Variants in ARHGEF28 observed in about 807,000 individuals in gnomAD.
ARHGEF28 encodes the protein 190 kDa guanine nucleotide exchange factor.
A neutral mutation model predicts 206.6 loss-of-function variants in ARHGEF28; 152 were observed. That is an observed-to-expected ratio of 0.74 (90% CI 0.64 to 0.84). The LOEUF (loss-of-function observed/expected upper bound fraction) is 0.84, where lower values mean the gene tolerates loss of function less well. Among genes scored for constraint, ARHGEF28 ranks in the 40% least tolerant of loss-of-function variants. The probability of loss-of-function intolerance (pLI) is 0.00; values close to 1 mark genes in which losing one functional copy is unlikely to be tolerated. For missense variants in ARHGEF28, 2,028 were observed against 2,073.2 expected (o/e 0.98, Z 0.42); for synonymous variants, 763 against 776.4 (o/e 0.98, Z 0.29).
intron 7 of ARHGEF28, among the ~76,000 whole-genome samples, chr5:73,789,243 C>T (rs538212363): frequency 1.0e-3 from 158 of 152,300 alleles, no homozygotes; most frequent in Middle Eastern, 6.8e-3. Context: ...ATACATGCTA[C>T]GGCATGGGTG....
chr5:73,868,855 C>T (rs998668663), intron 20 of ARHGEF28, among the ~76,000 whole-genome samples: 5 of 152,172 alleles, frequency 3.3e-5, no homozygotes, highest in African/African-American at 4.8e-5. Flanking sequence ...CCACATTGGC[C>T]AGGCTGGTCT....
intron 7 of ARHGEF28, among the ~76,000 whole-genome samples, chr5:73,790,082 C>T (rs1370989054): frequency 6.6e-6 from 1 of 152,124 alleles, no homozygotes; most frequent in Non-Finnish European, 1.5e-5. Context: ...TCTGGTGTTG[C>T]AAGAGGGCTA....
chr5:73,892,205 A>C lies in ARHGEF28; in HGVS notation c.3541A>C (p.Arg1181=). 6.4e-7 allele frequency: 1 copy of C among 1,569,178 alleles called. No homozygotes were observed. The highest frequency in any genetic ancestry group is 1.3e-5 in the African/African-American group (1 of 74,104). Residue 1181 remains arginine (R), a synonymous_variant, in exon 27 of 36, where the codon AGA becomes CGA. Coordinates refer to ENST00000513042, the MANE Select transcript of ARHGEF28 (RefSeq NM_001177693.2). ...CAAGGAGGAACGCAATAACTGGATGAGACGGATCCAGCAGGCTGTAGAAAG... is the reference window on the plus strand; with the variant it reads ...CAAGGAGGAACGCAATAACTGGATGCGACGGATCCAGCAGGCTGTAGAAAG... The part of the protein sequence containing the change: ...NSKEERNNWM[R]RIQQAVESCP...
intron 1 of ARHGEF28, among the ~76,000 whole-genome samples, chr5:73,679,566 CAAAAA>C (rs552307895): frequency 3.2e-5 from 2 of 62,492 alleles, no homozygotes. Context: ...GACTCTGTCT[CAAAAA>C]AAAAAAAAAA....
intron 1 of ARHGEF28, among the ~76,000 whole-genome samples, chr5:73,650,430 G>A (rs1468694094): frequency 1.3e-5 from 2 of 149,404 alleles, no homozygotes; most frequent in Admixed American, 6.7e-5. Context: ...GACTACAGGC[G>A]CATGCCACCA....
intron 16 of ARHGEF28, among the ~76,000 whole-genome samples, chr5:73,863,776 T>C (rs6869486): frequency 0.31 from 46,300 of 151,466 alleles, 8,787 homozygotes; most frequent in African/African-American, 0.53. Flanking sequence ...TTTTCCCTAT[T>C]ATTTACTCAC....
At chr5:73,716,883 G>T (rs1233993607) in intron 2 of ARHGEF28, among the ~76,000 whole-genome samples, 1 of 152,050 alleles carries the variant, frequency 6.6e-6, no homozygotes, top group Non-Finnish European at 1.5e-5. Flanking sequence ...TAAAGTTCAT[G>T]TTTAGCATGT....
intron 35 of ARHGEF28, among the ~76,000 whole-genome samples, chr5:73,919,921 A>C (rs1160396957): frequency 6.6e-6 from 1 of 152,258 alleles, no homozygotes; most frequent in Non-Finnish European, 1.5e-5. Context: ...AGGAAGCTTC[A>C]TGTGGGTAGA....
Position 73,894,428 on chromosome 5 carries a change from T to C in ARHGEF28, c.3694T>C (p.Tyr1232His). The C allele has an allele frequency of 1.2e-6, 2 of 1,613,418 alleles. No individual in the cohort carries two copies. Among genetic ancestry groups the C allele is most frequent in the South Asian group, 1.1e-5 (1 of 90,888 alleles). Residue 1232 changes from tyrosine (Y) to histidine (H), a missense_variant, in exon 29 of 36, where the codon TAT becomes CAT. This residue lies in a region of ARHGEF28 where 803 missense variants were observed against 768.0 expected (regional missense o/e 1.05). Coordinates refer to ENST00000513042, the MANE Select transcript of ARHGEF28 (RefSeq NM_001177693.2). The part of the protein sequence containing the change: ...LTNQDQQICA[Y>H]LEEKLHIYAE... ...TAACCAAGACCAACAAATTTGTGCG[T>C]ATTTGGAGGAGAAGCTGCATATCTA...
At chr5:73,626,526 A>G (rs561771607) in intron 1 of ARHGEF28, among the ~76,000 whole-genome samples, 1,613 of 151,588 alleles carry the variant, frequency 0.011, 36 homozygotes, top group African/African-American at 0.037. Context: ...AGCGGCAACA[A>G]GTGGAGAGGG....
intron 10 of ARHGEF28, among the ~76,000 whole-genome samples, chr5:73,834,319 G>A (rs1757474026): frequency 6.6e-6 from 1 of 151,960 alleles, no homozygotes; most frequent in Non-Finnish European, 1.5e-5. Context: ...TGTACCCTTC[G>A]ACTAACACTT....
intron 20 of ARHGEF28, among the ~76,000 whole-genome samples, chr5:73,868,981 A>C (rs1316040297): frequency 6.6e-6 from 1 of 152,148 alleles, no homozygotes; most frequent in South Asian, 2.1e-4. Flanking sequence ...TTTATAGAGC[A>C]GGACTTAATC....
intron 2 of ARHGEF28, among the ~76,000 whole-genome samples, chr5:73,746,910 A>G (rs1318231008): frequency 6.6e-6 from 1 of 152,152 alleles, no homozygotes; most frequent in African/African-American, 2.4e-5. Context: ...TCTCTCAAAA[A>G]TATCATTTCG....
At chr5:73,644,224 A>T (rs1175502733) in intron 1 of ARHGEF28, among the ~76,000 whole-genome samples, 1 of 151,536 alleles carries the variant, frequency 6.6e-6, no homozygotes, top group Non-Finnish European at 1.5e-5. Context: ...GTCTCCCATG[A>T]TGTATTATCT....
intron 10 of ARHGEF28, among the ~76,000 whole-genome samples, chr5:73,836,966 C>T (rs1757683878): frequency 1.3e-5 from 2 of 152,018 alleles, no homozygotes; most frequent in African/African-American, 2.4e-5. Context: ...GATTAATTGA[C>T]TGTATTTATG....
chr5:73,921,930 C>T (rs1013162365), intron 35 of ARHGEF28, among the ~76,000 whole-genome samples: 2 of 152,166 alleles, frequency 1.3e-5, no homozygotes, highest in Non-Finnish European at 1.5e-5. Flanking sequence ...ATTAATCATA[C>T]AGAATGAATG....
At chr5:73,867,736 AG>A in intron 18 of ARHGEF28, 139 bp from the exon 19 acceptor site, 1 of 1,127,930 alleles carries the variant, frequency 8.9e-7, no homozygotes, top group Non-Finnish European at 1.3e-6. Context: ...AGGATCTAGC[AG>A]GGAGACTGGT....
intron 2 of ARHGEF28, among the ~76,000 whole-genome samples, chr5:73,694,627 T>C (rs1580491961): frequency 6.6e-6 from 1 of 152,350 alleles, no homozygotes; most frequent in African/African-American, 2.4e-5. Flanking sequence ...ATAGAAGATG[T>C]GATTTAGCTA....
At chr5:73,813,376 A>G in intron 9 of ARHGEF28, 1 of 969,790 alleles carries the variant, frequency 1.0e-6, no homozygotes. Context: ...TTTGGCTTTA[A>G]TATTTACAGC....
Sources: allele counts gnomAD v4.1 joint callset (sites outside exome capture counted in the v4.1 genomes callset), GRCh38; gene constraint gnomAD v4.1.1; regional missense constraint gnomAD v4.1.1; transcripts MANE v1.5; gene names NCBI Gene and HGNC (gene_info 2026-07-23, HGNC 2026-07-21).